Variants in ITM2B observed in about 807,000 individuals in gnomAD.
ITM2B encodes integral membrane protein 2B, also known as ABri/ADan amyloid peptide.
In ITM2B, 11 loss-of-function variants were observed where a neutral mutation model predicts 27.8. The ratio of observed to expected loss-of-function variants is 0.40; its 90% CI spans 0.25 to 0.66. The LOEUF is 0.66. Ranked by LOEUF, ITM2B falls within the 30% of genes least tolerant of loss-of-function variation. The pLI is 0.43. For synonymous variants in ITM2B, 114 were observed against 114.3 expected, an observed-to-expected ratio of 1.00 and a Z score of 0.02; for missense variants, 296 against 328.9, an observed-to-expected ratio of 0.90 and a Z score of 0.77.
intron 1 of ITM2B, among the ~76,000 whole-genome samples, chr13:48,247,567 G>C (rs1951731377): frequency 6.6e-6 from 1 of 152,106 alleles, no homozygotes; most frequent in Non-Finnish European, 1.5e-5. Flanking sequence ...TTTGAGAACA[G>C]AATTGAAATT....
intron 1 of ITM2B, 130 bp downstream of exon 1, chr13:48,233,607 G>C: frequency 1.9e-6 from 1 of 515,552 alleles, no homozygotes; most frequent in Non-Finnish European, 3.3e-6. Context: ...CCCCGAGAGA[G>C]CCCGGCGCTC....
intron 1 of ITM2B, among the ~76,000 whole-genome samples, chr13:48,252,003 A>G (rs1345220160): frequency 6.6e-6 from 1 of 152,218 alleles, no homozygotes; most frequent in Non-Finnish European, 1.5e-5. Context: ...TCTTCCTTGC[A>G]ATACGCTCAT....
intron 3 of ITM2B, among the ~76,000 whole-genome samples, chr13:48,256,922 A>T (rs1951792962): frequency 6.6e-6 from 1 of 152,272 alleles, no homozygotes; most frequent in South Asian, 2.1e-4. Context: ...ACGTAACCAC[A>T]TAATTATCAC....
At chr13:48,244,275 AC>A (rs1216253503) in intron 1 of ITM2B, among the ~76,000 whole-genome samples, 1 of 152,218 alleles carries the variant, frequency 6.6e-6, no homozygotes, top group African/African-American at 2.4e-5. Flanking sequence ...ATTAGTCACA[AC>A]CTATTTAAAT....
At chr13:48,239,547 G>T (rs891988098) in intron 1 of ITM2B, among the ~76,000 whole-genome samples, 6 of 152,300 alleles carry the variant, frequency 3.9e-5, no homozygotes, top group South Asian at 2.1e-4. Context: ...CAGGAGAATC[G>T]CTTGAATCTG....
rs1373597566 is a variant in ITM2B at position 48,263,421 on chromosome 13, G to T, written c.*2197G>T. The T allele has an allele frequency of 5.3e-5, 8 of 152,078 alleles. No individual in the cohort carries two copies. Among genetic ancestry groups the T allele is most frequent in the Non-Finnish European group, 1.0e-4 (7 of 68,042 alleles). 9.4% of individuals were successfully genotyped at this position (152,078 alleles called of 1,614,324 possible). A position where few individuals can be genotyped will look rare whatever the true frequency, so the allele number is the denominator to read the frequency against. ...AATAATGTGCCCTTTGAACCCTTGT[G>T]CCATGCTGGAAACTGTGGTCTTGGT... On this transcript the variant is annotated 3_prime_UTR_variant, in exon 6 of 6. Coordinates refer to ENST00000647800, the MANE Select transcript of ITM2B (RefSeq NM_021999.5).
intron 1 of ITM2B, among the ~76,000 whole-genome samples, chr13:48,245,904 G>A (rs932858564): frequency 6.6e-6 from 1 of 151,470 alleles, no homozygotes; most frequent in Non-Finnish European, 1.5e-5. Flanking sequence ...TCAGCCTCCC[G>A]AGTAGCTGGG....
intron 1 of ITM2B, among the ~76,000 whole-genome samples, chr13:48,247,176 C>T (rs561324104): frequency 3.3e-5 from 5 of 152,106 alleles, no homozygotes; most frequent in Non-Finnish European, 7.4e-5. Context: ...TTTAATGTCC[C>T]AGCTGTTTTG....
intron 1 of ITM2B, among the ~76,000 whole-genome samples, chr13:48,243,889 T>C (rs564772943): frequency 7.8e-4 from 119 of 152,288 alleles, no homozygotes; most frequent in Non-Finnish European, 9.1e-4. Flanking sequence ...GGTTTCTGGT[T>C]AGGAGTATTA....
intron 1 of ITM2B, among the ~76,000 whole-genome samples, chr13:48,238,407 A>G (rs1215628076): frequency 2.0e-5 from 3 of 152,208 alleles, no homozygotes; most frequent in African/African-American, 7.2e-5. Flanking sequence ...GGGAAAAATC[A>G]GGTAAGAATG....
intron 2 of ITM2B, among the ~76,000 whole-genome samples, chr13:48,254,665 A>T (rs1424010583): frequency 6.6e-6 from 1 of 152,160 alleles, no homozygotes; most frequent in African/African-American, 2.4e-5. Flanking sequence ...AACAGTTGAC[A>T]ACTAGACTTA....
At position 48,246,325 on chromosome 13, in the gene ITM2B, A is replaced by G. The variant is rs1014043354; in HGVS notation, c.118-7483A>G. 8.5e-5 allele frequency among the ~76,000 whole-genome samples: 13 copies of G among 152,354 alleles called. No homozygotes were observed. In the East Asian group the frequency reaches 2.5e-3, roughly 29 times the overall value. Reference sequence around the variant, plus strand: ...AAAACTGCTTCCTTTTTATGTGTCAAACATTTATCACGTGGACTTCCTCAC... The same window carrying G: ...AAAACTGCTTCCTTTTTATGTGTCAGACATTTATCACGTGGACTTCCTCAC... On this transcript the variant is annotated intron_variant, in intron 1 of 5. Transcript: ENST00000647800.
At chr13:48,255,978 G>A (rs1216520920) in intron 2 of ITM2B, among the ~76,000 whole-genome samples, 199 bp from the exon 3 acceptor site, 1 of 152,096 alleles carries the variant, frequency 6.6e-6, no homozygotes, top group African/African-American at 2.4e-5. Flanking sequence ...CCTTTCTTCT[G>A]AAGCTGTTCT....
chr13:48,233,600 C>G (rs1416889000), intron 1 of ITM2B, 123 bp downstream of exon 1: 3 of 527,800 alleles, frequency 5.7e-6, no homozygotes, highest in South Asian at 2.8e-5. Context: ...GACAAGTCCC[C>G]GAGAGAGCCC....
chr13:48,246,542 G>A lies in ITM2B; in HGVS notation c.118-7266G>A, dbSNP rs144192359. ...ATAATCAGTGCAGTTAATAATTAGCGGATCACCACATCATGTCCTTTTGAT... is the reference window on the plus strand; with the variant it reads ...ATAATCAGTGCAGTTAATAATTAGCAGATCACCACATCATGTCCTTTTGAT... On this transcript the variant is annotated intron_variant, in intron 1 of 5. Coordinates refer to ENST00000647800, the MANE Select transcript of ITM2B (RefSeq NM_021999.5). Among the ~76,000 whole-genome samples, 89 of 152,222 alleles carry A rather than the reference G, an allele frequency of 5.8e-4. 1 individual carries two copies. The East Asian group carries it at 0.01, about 17-fold the overall frequency.
At chr13:48,251,474 A>G (rs1951756061) in intron 1 of ITM2B, among the ~76,000 whole-genome samples, 1 of 152,216 alleles carries the variant, frequency 6.6e-6, no homozygotes, top group African/African-American at 2.4e-5. Context: ...TTGGCAGAGC[A>G]TACATTTCCA....
chr13:48,235,241 G>A (rs1267301093), intron 1 of ITM2B, among the ~76,000 whole-genome samples: 1 of 152,150 alleles, frequency 6.6e-6, no homozygotes, highest in Admixed American at 6.5e-5. Flanking sequence ...TAGTGACTCT[G>A]CCAGATTCTC....
In ITM2B at chr13:48,256,320, C is replaced by T; in HGVS notation, c.390C>T (p.Ile130=). The change falls in exon 3 of 6, where the codon ATC becomes ATT. Residue 130 remains isoleucine (I), a synonymous_variant. Transcript: ENST00000647800. ...TTGAAGAAGAAGAAGTTGAATTTAT[C>T]AGTGTGCCTGTCCCAGAGTTTGCAG... ...KIFEEEEVEF[I]SVPVPEFADS... is the part of the protein sequence containing the mutation. The T allele has an allele frequency of 5.6e-6, 9 of 1,613,982 alleles. No individual in the cohort carries two copies. Among genetic ancestry groups the T allele is most frequent in the Non-Finnish European group, 7.6e-6 (9 of 1,179,880 alleles).
chr13:48,256,193 A>C lies in ITM2B; in HGVS notation c.263A>C (p.Tyr88Ser). Residue 88 changes from tyrosine (Y) to serine (S), a missense_variant, in exon 3 of 6, where the codon TAC becomes TCC. Transcript: ENST00000647800. ...TCTCTATAGCCAGATGACGTGTACT[A>C]CTGTGGAATAAAGTACATCAAAGAT... ...YFALQPDDVY[Y>S]CGIKYIKDDV... The C allele has an allele frequency of 6.2e-7, 1 of 1,611,448 alleles. No individual in the cohort carries two copies. Among genetic ancestry groups the C allele is most frequent in the Non-Finnish European group, 8.5e-7 (1 of 1,177,690 alleles).
Sources: gnomAD v4.1 joint callset for allele counts (sites outside exome capture counted in the v4.1 genomes callset) on GRCh38, gnomAD v4.1.1 for gene constraint, MANE v1.5 for transcripts, NCBI Gene and HGNC (gene_info 2026-07-23, HGNC 2026-07-21) for gene names.